The following IMMP2L variants were observed in gnomAD, a reference collection of about 807,000 sequenced individuals.
The protein encoded by IMMP2L is mitochondrial inner membrane protease subunit 2.
A neutral mutation model predicts 19.3 loss-of-function variants in IMMP2L; 18 were observed. That is an observed-to-expected ratio of 0.93 (90% CI 0.64 to 1.38). IMMP2L has a LOEUF of 1.38. IMMP2L is among the 40% of genes most tolerant of loss of function. The pLI is 0.00. For missense variants in IMMP2L, 233 were observed against 218.2 expected (o/e 1.07, Z -0.43); for synonymous variants, 76 against 73.0 (o/e 1.04, Z -0.21).
chr7:111,196,642 T>C (rs1041495565), intron 3 of IMMP2L, among the ~76,000 whole-genome samples: 8 of 152,132 alleles, frequency 5.3e-5, no homozygotes, highest in African/African-American at 1.9e-4. Context: ...TAAAGCACTT[T>C]CACGAAATAG....
At chr7:110,918,660 T>C (rs1813903801) in intron 4 of IMMP2L, among the ~76,000 whole-genome samples, 1 of 151,906 alleles carries the variant, frequency 6.6e-6, no homozygotes, top group Non-Finnish European at 1.5e-5. Context: ...TTCACCATGT[T>C]GGCCAGGCTG....
At chr7:110,880,366 A>G (rs1456293190) in intron 5 of IMMP2L, among the ~76,000 whole-genome samples, 1 of 152,136 alleles carries the variant, frequency 6.6e-6, no homozygotes, top group African/African-American at 2.4e-5. Flanking sequence ...TTTTCAGAAA[A>G]TTAAAAATTT....
At chr7:110,873,458 AG>A in intron 5 of IMMP2L, among the ~76,000 whole-genome samples, 1 of 146,314 alleles carries the variant, frequency 6.8e-6, no homozygotes, top group South Asian at 2.2e-4. Context: ...AAAAAAAAAA[AG>A]TTAAAAGAAA....
chr7:111,510,688 G>A (rs1469159987), intron 2 of IMMP2L, among the ~76,000 whole-genome samples: 1 of 152,066 alleles, frequency 6.6e-6, no homozygotes, highest in African/African-American at 2.4e-5. Context: ...CTTAGAATCT[G>A]CCAAAATTAT....
intron 3 of IMMP2L, among the ~76,000 whole-genome samples, chr7:111,214,332 T>TTC: frequency 1.2e-5 from 1 of 83,612 alleles, no homozygotes; most frequent in African/African-American, 7.6e-5. Flanking sequence ...ATTTTTCTTC[T>TTC]TTTTTTTTTT....
At chr7:110,840,032 TGAG>T (rs1804904916) in intron 5 of IMMP2L, among the ~76,000 whole-genome samples, 1 of 152,012 alleles carries the variant, frequency 6.6e-6, no homozygotes, top group Admixed American at 6.6e-5. Flanking sequence ...AGAGGGCCAA[TGAG>T]AAGAAAACGG....
chr7:110,738,813 C>T (rs1042521706), intron 5 of IMMP2L, among the ~76,000 whole-genome samples: 1 of 152,126 alleles, frequency 6.6e-6, no homozygotes, highest in African/African-American at 2.4e-5. Context: ...GATCTGTGAG[C>T]CAAAAGCATC....
Position 111,209,676 on chromosome 7 carries a change from T to A in IMMP2L, c.240-246111A>T, listed in dbSNP as rs138068943. Among the ~76,000 whole-genome samples, 229 of 152,238 alleles carry A rather than the reference T, an allele frequency of 1.5e-3. 5 individuals carry two copies. In the East Asian group the frequency reaches 0.042, roughly 28 times the overall value. On this transcript the variant is annotated intron_variant, in intron 3 of 5. Transcript: ENST00000405709. Reference sequence around the variant, plus strand: ...TGACTTTTTCAAAAACATAATTGTGTTAAATAAGTCTCTAAAGAGACTGAT... The same window carrying A: ...TGACTTTTTCAAAAACATAATTGTGATAAATAAGTCTCTAAAGAGACTGAT...
chr7:111,265,652 GA>G (rs1283101405), intron 3 of IMMP2L, among the ~76,000 whole-genome samples: 1 of 152,170 alleles, frequency 6.6e-6, no homozygotes. Flanking sequence ...CAGAAGGGCA[GA>G]AGCACTGAGT....
intron 5 of IMMP2L, among the ~76,000 whole-genome samples, chr7:110,868,924 A>G (rs1442955971): frequency 6.6e-6 from 1 of 151,316 alleles, no homozygotes; most frequent in Admixed American, 6.6e-5. Flanking sequence ...TCTTGAAAAA[A>G]ATTAAAACAA....
At chr7:111,051,566 A>G (rs1793009658) in intron 3 of IMMP2L, among the ~76,000 whole-genome samples, 1 of 152,230 alleles carries the variant, frequency 6.6e-6, no homozygotes, top group African/African-American at 2.4e-5. Flanking sequence ...GAAATTCACT[A>G]TAGCTCAAGC....
chr7:110,663,733 A>G lies in IMMP2L; in HGVS notation c.409-12T>C. Reference sequence around the variant, plus strand: ...AGTCCTAGGGAAACCTTAATTCATGAGAAACAGAAAGAAAGCAATAAAGAG... The same window carrying G: ...AGTCCTAGGGAAACCTTAATTCATGGGAAACAGAAAGAAAGCAATAAAGAG... On this transcript the variant is annotated splice_polypyrimidine_tract_variant and intron_variant, in intron 5 of 5. Coordinates refer to ENST00000405709, the MANE Select transcript of IMMP2L (RefSeq NM_032549.4). The G allele has an allele frequency of 6.5e-7, 1 of 1,534,436 alleles. No homozygotes were observed. Among genetic ancestry groups the G allele is most frequent in the Non-Finnish European group, 8.8e-7 (1 of 1,137,490 alleles).
intron 3 of IMMP2L, among the ~76,000 whole-genome samples, chr7:111,065,277 T>C (rs573530481): frequency 6.6e-6 from 1 of 152,354 alleles, no homozygotes; most frequent in South Asian, 2.1e-4. Flanking sequence ...GCTAACTTTA[T>C]ATAATAGCAT....
At chr7:111,453,139 A>T (rs572976189) in intron 3 of IMMP2L, among the ~76,000 whole-genome samples, 1 of 152,196 alleles carries the variant, frequency 6.6e-6, no homozygotes, top group Non-Finnish European at 1.5e-5. Context: ...GTCCATTGCT[A>T]CAACTGGAAG....
chr7:110,818,378 G>A (rs1160366545), intron 5 of IMMP2L, among the ~76,000 whole-genome samples: 2 of 152,190 alleles, frequency 1.3e-5, no homozygotes, highest in African/African-American at 4.8e-5. Flanking sequence ...CATCATCACT[G>A]GCCATCAGAG....
chr7:111,236,121 C>G (rs1814281177), intron 3 of IMMP2L, among the ~76,000 whole-genome samples: 1 of 151,924 alleles, frequency 6.6e-6, no homozygotes, highest in African/African-American at 2.4e-5. Context: ...TATTTTAATG[C>G]TTTGTCTACT....
At chr7:111,540,751 G>A (rs1238136611) in intron 1 of IMMP2L, among the ~76,000 whole-genome samples, 1 of 152,164 alleles carries the variant, frequency 6.6e-6, no homozygotes, top group African/African-American at 2.4e-5. Context: ...AGCATTTGCA[G>A]ATGCTAAATA....
At chr7:111,084,162 T>C (rs1344182435) in intron 3 of IMMP2L, among the ~76,000 whole-genome samples, 1 of 152,060 alleles carries the variant, frequency 6.6e-6, no homozygotes, top group African/African-American at 2.4e-5. Context: ...AGACGATGAA[T>C]ATCTAGCAGA....
chr7:110,927,737 A>T (rs1331138564), intron 4 of IMMP2L, among the ~76,000 whole-genome samples: 2 of 152,002 alleles, frequency 1.3e-5, no homozygotes, highest in East Asian at 3.9e-4. Context: ...TCTATGCTGG[A>T]CTTCTGACCT....
Sources: gnomAD v4.1 joint callset for allele counts (sites outside exome capture counted in the v4.1 genomes callset) on GRCh38, gnomAD v4.1.1 for gene constraint, MANE v1.5 for transcripts, NCBI Gene and HGNC (gene_info 2026-07-23, HGNC 2026-07-21) for gene names.